Variants in EPHA6 observed in about 807,000 individuals in gnomAD.
EPHA6 encodes the protein EPH receptor A6.
Under a neutral mutation model 112.0 loss-of-function variants are expected in EPHA6, and 50 were observed. The observed-to-expected ratio is 0.45, with a 90% confidence interval of 0.36 to 0.56. The LOEUF (loss-of-function observed/expected upper bound fraction) is 0.56. Among genes scored for constraint, EPHA6 ranks in the 20% least tolerant of loss-of-function variants. The pLI, the probability that EPHA6 is intolerant of heterozygous loss-of-function variation, is 0.00. For missense variants in EPHA6, 1,280 were observed against 1,417.4 expected (o/e 0.90, Z 1.56); for synonymous variants, 529 against 490.7 (o/e 1.08, Z -1.03).
At chr3:97,422,896 C>G (rs562638639) in intron 6 of EPHA6, among the ~76,000 whole-genome samples, 1 of 152,158 alleles carries the variant, frequency 6.6e-6, no homozygotes, top group African/African-American at 2.4e-5. Flanking sequence ...AAACTAAAAA[C>G]AAAAACCACA....
chr3:97,701,045 C>T (rs2033353532), intron 14 of EPHA6, among the ~76,000 whole-genome samples: 1 of 152,068 alleles, frequency 6.6e-6, no homozygotes, highest in Non-Finnish European at 1.5e-5. Flanking sequence ...GCACAGTATC[C>T]AGAGCATCTG....
chr3:97,050,122 T>A (rs888018244), intron 3 of EPHA6, among the ~76,000 whole-genome samples: 3 of 152,206 alleles, frequency 2.0e-5, no homozygotes, highest in Non-Finnish European at 2.9e-5. Context: ...GATCTGAGGC[T>A]CTGGACTCAG....
chr3:97,278,267 C>A (rs564610872), intron 5 of EPHA6, among the ~76,000 whole-genome samples: 1 of 152,198 alleles, frequency 6.6e-6, no homozygotes, highest in South Asian at 2.1e-4. Flanking sequence ...TATTATAAGT[C>A]TATTTGTATG....
intron 2 of EPHA6, among the ~76,000 whole-genome samples, chr3:96,947,302 T>C (rs1351733135): frequency 6.6e-6 from 1 of 152,220 alleles, no homozygotes; most frequent in African/African-American, 2.4e-5. Flanking sequence ...TCTAGGGTTT[T>C]TATGGTTTTA....
intron 10 of EPHA6, among the ~76,000 whole-genome samples, chr3:97,493,421 A>G (rs9869908): frequency 0.068 from 10,338 of 152,196 alleles, 1,099 homozygotes; most frequent in African/African-American, 0.22. Context: ...TCTGGATCGC[A>G]GAGATCCACC....
chr3:97,484,220 T>A (rs2091640972), intron 10 of EPHA6, among the ~76,000 whole-genome samples, 161 bp downstream of exon 10: 2 of 152,230 alleles, frequency 1.3e-5, no homozygotes, highest in South Asian at 4.1e-4. Flanking sequence ...TAAGTATATT[T>A]AGTGTCCATT....
At position 97,309,669 on chromosome 3, in the gene EPHA6, G is replaced by A. The variant is rs576239261; in HGVS notation, c.1606+65382G>A. The stretch of plus-strand genomic sequence containing the variant: ...TTATCTTTTTTATTTCTTTATTCCC[G>A]AAGCTACTCCACTAATTAGAAGATA... On this transcript the variant is annotated intron_variant, in intron 5 of 17. Transcript: ENST00000389672. Among the ~76,000 whole-genome samples, 219 of 151,024 alleles carry A rather than the reference G, an allele frequency of 1.5e-3. 1 individual carries two copies. The highest frequency in any genetic ancestry group is 4.7e-3 in the African/African-American group (195 of 41,302).
At chr3:97,694,386 G>A (rs2032884168) in intron 14 of EPHA6, among the ~76,000 whole-genome samples, 1 of 152,026 alleles carries the variant, frequency 6.6e-6, no homozygotes, top group African/African-American at 2.4e-5. Context: ...ACAGGCACCA[G>A]CCACCATGGC....
chr3:96,824,431 C>A, intron 1 of EPHA6, among the ~76,000 whole-genome samples: 1 of 151,232 alleles, frequency 6.6e-6, no homozygotes, highest in Non-Finnish European at 1.5e-5. Flanking sequence ...TAATTTTTTT[C>A]CTTTTATATA....
chr3:97,182,218 T>A (rs1020928860), intron 3 of EPHA6, among the ~76,000 whole-genome samples: 6 of 151,792 alleles, frequency 4.0e-5, no homozygotes, highest in Non-Finnish European at 8.8e-5. Context: ...AACTATCATT[T>A]CTAGTTTGTT....
At chr3:97,642,552 G>C (rs1263364772) in intron 14 of EPHA6, among the ~76,000 whole-genome samples, 1 of 150,076 alleles carries the variant, frequency 6.7e-6, no homozygotes, top group African/African-American at 2.4e-5. Context: ...AAAAAATTTA[G>C]AAGAATGTAT....
chr3:97,610,935 G>A (rs1323156396), intron 13 of EPHA6, 81 bp downstream of exon 13: 2 of 1,195,276 alleles, frequency 1.7e-6, no homozygotes, highest in Non-Finnish European at 2.4e-6. Flanking sequence ...ATTAATTTTT[G>A]CATAATGTTA....
intron 1 of EPHA6, among the ~76,000 whole-genome samples, chr3:96,855,634 A>G (rs562351750): frequency 6.6e-6 from 1 of 152,034 alleles, no homozygotes; most frequent in Non-Finnish European, 1.5e-5. Context: ...GGTTGACAGC[A>G]TTAAAATAAT....
chr3:96,970,364 T>G (rs1309281653), intron 2 of EPHA6, among the ~76,000 whole-genome samples: 2 of 151,986 alleles, frequency 1.3e-5, no homozygotes, highest in Non-Finnish European at 2.9e-5. Context: ...TGCACTAGCA[T>G]GATGTCCAGT....
intron 5 of EPHA6, among the ~76,000 whole-genome samples, chr3:97,318,652 G>C (rs537475919): frequency 1.1e-4 from 16 of 152,056 alleles, no homozygotes; most frequent in Admixed American, 2.6e-4. Flanking sequence ...GCACAGCAGA[G>C]TCTGGATTTC....
intron 11 of EPHA6, among the ~76,000 whole-genome samples, chr3:97,581,873 G>A (rs2053246): frequency 0.17 from 25,394 of 152,206 alleles, 2,488 homozygotes; most frequent in Admixed American, 0.26. Context: ...TTTGAGCAGC[G>A]TATTTAGAAT....
rs369672916 is a variant in EPHA6, at chr3:97,712,147, A to C, written c.2785-8114A>C. ...TTATGATTTATGTTGTACATTTTTT[A>C]AAAATAAAATCCATTACTTTTGTGT... On this transcript the variant is annotated intron_variant, in intron 14 of 17. Coordinates refer to ENST00000389672, the MANE Select transcript of EPHA6 (RefSeq NM_001080448.3). 9.2e-5 allele frequency among the ~76,000 whole-genome samples: 14 copies of C among 152,340 alleles called. No individual in the cohort carries two copies. The South Asian group carries it at 2.7e-3, about 29-fold the overall frequency.
intron 3 of EPHA6, among the ~76,000 whole-genome samples, chr3:97,141,109 A>T (rs984535885): frequency 6.6e-6 from 1 of 152,134 alleles, no homozygotes; most frequent in Non-Finnish European, 1.5e-5. Context: ...TTAAATAATG[A>T]CAAAGGGTTC....
At chr3:97,265,963 C>T (rs376597064) in intron 5 of EPHA6, among the ~76,000 whole-genome samples, 1 of 152,242 alleles carries the variant, frequency 6.6e-6, no homozygotes, top group African/African-American at 2.4e-5. Context: ...TTACCATCCC[C>T]TGCCCTAGAT....
Sources: gnomAD v4.1 joint callset for allele counts (sites outside exome capture counted in the v4.1 genomes callset) on GRCh38, gnomAD v4.1.1 for gene constraint, MANE v1.5 for transcripts, NCBI Gene and HGNC (gene_info 2026-07-23, HGNC 2026-07-21) for gene names.